CFAP70: variants seen among roughly 807,000 people sequenced by gnomAD.
The protein encoded by CFAP70 is cilia- and flagella-associated protein 70.
Under a neutral mutation model 137.6 loss-of-function variants are expected in CFAP70, and 81 were observed. The observed-to-expected ratio is 0.59, with a 90% CI of 0.49 to 0.71. The LOEUF (loss-of-function observed/expected upper bound fraction) is 0.71. Ranked by LOEUF, CFAP70 falls within the 30% of genes least tolerant of loss-of-function variation. The pLI is 0.00. For synonymous variants in CFAP70, 382 were observed against 423.6 expected (o/e 0.90, Z 1.20); for missense variants, 976 against 1,226.7 (o/e 0.80, Z 3.05).
At chr10:73,329,350 G>A (rs1245007145) in intron 8 of CFAP70, among the ~76,000 whole-genome samples, 20 of 152,094 alleles carry the variant, frequency 1.3e-4, no homozygotes, top group Admixed American at 1.3e-3. Flanking sequence ...TGGGGTCGGG[G>A]GAGCGGGGAG....
intron 25 of CFAP70, among the ~76,000 whole-genome samples, chr10:73,267,099 T>C (rs1160460565): frequency 6.6e-6 from 1 of 152,202 alleles, no homozygotes; most frequent in Non-Finnish European, 1.5e-5. Context: ...ATTTCAGTTA[T>C]GTACTGAAGT....
chr10:73,302,975 G>A (rs899075743), intron 12 of CFAP70, among the ~76,000 whole-genome samples: 15 of 150,702 alleles, frequency 1.0e-4, no homozygotes, highest in Admixed American at 1.3e-4. Context: ...GGATCTCCAG[G>A]CTCAAGCAAT....
At chr10:73,315,216 C>CAAAAAA (rs58468801) in intron 9 of CFAP70, among the ~76,000 whole-genome samples, 1 of 64,052 alleles carries the variant, frequency 1.6e-5, no homozygotes, top group Non-Finnish European at 4.0e-5. Context: ...GACCCCATCT[C>CAAAAAA]AAAAAAAAAA....
At chr10:73,319,693 C>A (rs1384366045) in intron 9 of CFAP70, among the ~76,000 whole-genome samples, 2 of 152,174 alleles carry the variant, frequency 1.3e-5, no homozygotes, top group African/African-American at 4.8e-5. Flanking sequence ...CACTGCAAAC[C>A]TTGGTGCATA....
At chr10:73,287,852 CATCTATCT>C (rs72556802) in intron 19 of CFAP70, among the ~76,000 whole-genome samples, 1,491 of 145,946 alleles carry the variant, frequency 0.01, 12 homozygotes, top group East Asian at 0.016. Context: ...TGCATTTTAA[CATCTATCT>C]ATCTATCTAT....
intron 11 of CFAP70, among the ~76,000 whole-genome samples, chr10:73,311,609 A>G (rs916049828): frequency 3.3e-5 from 5 of 152,218 alleles, no homozygotes; most frequent in African/African-American, 9.6e-5. Flanking sequence ...AACAAAAGAT[A>G]TAATATTTTA....
At chr10:73,335,277 CACA>C (rs1468262864) in intron 7 of CFAP70, among the ~76,000 whole-genome samples, 150 bp downstream of exon 8, 3 of 152,038 alleles carry the variant, frequency 2.0e-5, no homozygotes, top group Non-Finnish European at 2.9e-5. Flanking sequence ...AGCAGATGAA[CACA>C]ACATCACTCT....
At chr10:73,279,568 AATAT>A (rs747708314) in intron 19 of CFAP70, among the ~76,000 whole-genome samples, 6,897 of 126,770 alleles carry the variant, frequency 0.054, 231 homozygotes, top group African/African-American at 0.1. Flanking sequence ...TAAATAAATA[AATAT>A]AAGAAGTTGG....
intron 24 of CFAP70, among the ~76,000 whole-genome samples, chr10:73,270,903 C>T (rs1276237948): frequency 6.6e-6 from 1 of 152,056 alleles, no homozygotes; most frequent in Non-Finnish European, 1.5e-5. Flanking sequence ...TGGCCTTTCA[C>T]CCACACCCAT....
chr10:73,254,003 G>C (rs1279251992), exon 27 of CFAP70: 2 of 1,605,236 alleles, frequency 1.2e-6, no homozygotes, highest in Non-Finnish European at 1.7e-6. Context: ...AAAGCCAACT[G>C]TTTCCTGTAG....
chr10:73,360,721 C>G (rs540081101), upstream of CFAP70, among the ~76,000 whole-genome samples: 1 of 152,298 alleles, frequency 6.6e-6, no homozygotes, highest in South Asian at 2.1e-4. Context: ...GGATTTCTCT[C>G]TGGATTTTTT....
At chr10:73,308,735 T>G (rs2049632672) in intron 12 of CFAP70, among the ~76,000 whole-genome samples, 1 of 134,050 alleles carries the variant, frequency 7.5e-6, no homozygotes, top group East Asian at 2.1e-4. Flanking sequence ...AAAATAAGAA[T>G]ATTAAATAAC....
chr10:73,345,032 A>C, intron 5 of CFAP70, 33 bp downstream of exon 6: 1 of 1,590,768 alleles, frequency 6.3e-7, no homozygotes, highest in Non-Finnish European at 8.6e-7. Context: ...GACATGTTTG[A>C]ATCTCTATAA....
intron 1 of CFAP70, among the ~76,000 whole-genome samples, chr10:73,355,353 T>C (rs757567728): frequency 6.6e-6 from 1 of 152,208 alleles, no homozygotes; most frequent in Non-Finnish European, 1.5e-5. Flanking sequence ...AGGATCTAGG[T>C]TGTGCACTCC....
At chr10:73,313,978 T>C (rs2050140300) in intron 9 of CFAP70, among the ~76,000 whole-genome samples, 3 of 152,232 alleles carry the variant, frequency 2.0e-5, no homozygotes. Context: ...AAGAAAAACC[T>C]TTGTATGGAA....
At chr10:73,325,398 A>G (rs2051307570) in intron 8 of CFAP70, among the ~76,000 whole-genome samples, 1 of 152,240 alleles carries the variant, frequency 6.6e-6, no homozygotes, top group South Asian at 2.1e-4. Flanking sequence ...AATTGTAAAG[A>G]CCATTGAGGC....
rs147740134 is a variant in CFAP70, at chr10:73,277,380, A to G, written c.2399-19T>C. ...GATGCTTCTGAAAATATTACATTAAAAGGATTGAAGATTGGATATAACAGA... is the reference window on the plus strand; with the variant it reads ...GATGCTTCTGAAAATATTACATTAAGAGGATTGAAGATTGGATATAACAGA... On this transcript the variant is annotated intron_variant, in intron 20 of 26. Coordinates refer to ENST00000310715, the Ensembl canonical transcript of CFAP70. 1.0e-4 allele frequency: 161 copies of G among 1,611,416 alleles called. 1 individual carries two copies. In the East Asian group the frequency reaches 3.6e-3, roughly 36 times the overall value.
Position 73,303,063 on chromosome 10 carries a change from A to AT in CFAP70, c.1257-3399dup, listed in dbSNP as rs566108633. ...AGGTATGCACTACCACACCCAACTA[A>AT]TTTTTTTATTTTTAATAGAGATGAG... is the stretch of plus-strand genomic sequence containing the variant. On this transcript the variant is annotated intron_variant, in intron 12 of 26. Coordinates refer to ENST00000310715, the Ensembl canonical transcript of CFAP70. Among the ~76,000 whole-genome samples the AT allele has an allele frequency of 3.3e-5, 5 of 150,614 alleles. No homozygotes were observed. In the East Asian group the frequency reaches 7.8e-4, roughly 23 times the overall value.
chr10:73,271,208 G>T (rs532683655), intron 24 of CFAP70, among the ~76,000 whole-genome samples: 2 of 152,124 alleles, frequency 1.3e-5, no homozygotes, highest in Non-Finnish European at 2.9e-5. Context: ...CTCACTGACA[G>T]ATGTGTGAAA....
Sources: allele counts gnomAD v4.1 joint callset (sites outside exome capture counted in the v4.1 genomes callset), GRCh38; gene constraint gnomAD v4.1.1; transcripts MANE v1.5; gene names NCBI Gene and HGNC (gene_info 2026-07-23, HGNC 2026-07-21).